The following MARS1 variants were observed in gnomAD, a reference collection of about 807,000 sequenced individuals.
MARS1 encodes the protein methionine--tRNA ligase, cytoplasmic.
A neutral mutation model predicts 119.5 loss-of-function variants in MARS1; 80 were observed. The observed-to-expected ratio is 0.67, with a 90% CI of 0.56 to 0.81. The LOEUF (loss-of-function observed/expected upper bound fraction) is 0.81, where lower values mean the gene tolerates loss of function less well. Ranked by LOEUF, MARS1 falls within the 30% of genes least tolerant of loss-of-function variation. MARS1 has a pLI of 0.00. For missense variants in MARS1, 945 were observed against 1,116.5 expected (o/e 0.85, Z 2.19); for synonymous variants, 418 against 433.4 (o/e 0.96, Z 0.44).
chr12:57,494,494 A>ATTT (rs59160934), intron 7 of MARS1, among the ~76,000 whole-genome samples: 9 of 95,460 alleles, frequency 9.4e-5, no homozygotes, highest in Admixed American at 2.2e-4. Flanking sequence ...CGCCTGGCTA[A>ATTT]TTTTTTTTTT....
intron 11 of MARS1, among the ~76,000 whole-genome samples, chr12:57,507,735 G>T (rs1377054593): frequency 1.4e-4 from 20 of 141,138 alleles, no homozygotes; most frequent in Non-Finnish European, 3.0e-4. Context: ...CCCGGACGGG[G>T]CGGCTGGCCG....
At position 57,498,144 on chromosome 12, in the gene MARS1, C is replaced by G. The variant is rs764820016; in HGVS notation, c.771-13C>G. On this transcript the variant is annotated splice_polypyrimidine_tract_variant and intron_variant, in intron 7 of 20. Transcript: ENST00000262027. ...TCCCCCCATGCACTGTTCTCTTCCT[C>G]TTTCCTTACTAGGTTGCCTGTGGCT... The G allele has an allele frequency of 6.3e-7, 1 of 1,588,058 alleles. No individual in the cohort carries two copies. The highest frequency in any genetic ancestry group is 8.6e-7 in the Non-Finnish European group (1 of 1,156,170).
intron 7 of MARS1, among the ~76,000 whole-genome samples, chr12:57,493,544 T>A (rs866428063): frequency 2.6e-3 from 1 of 392 alleles, no homozygotes; most frequent in African/African-American, 4.2e-3. Flanking sequence ...TATAATATAT[T>A]ATAATATATA....
In MARS1 at chr12:57,512,514, C is replaced by T. The variant is rs951461937; in HGVS notation, c.1753+161C>T. Reference sequence around the variant, plus strand: ...TCAACCTAGAGAAACGAACAAGAACCTGAAGAAAGCAAAAGTCTAAAGCTA... The same window carrying T: ...TCAACCTAGAGAAACGAACAAGAACTTGAAGAAAGCAAAAGTCTAAAGCTA... On this transcript the variant is annotated intron_variant, in intron 14 of 20. Coordinates refer to ENST00000262027, the MANE Select transcript of MARS1 (RefSeq NM_004990.4). The T allele has an allele frequency of 4.8e-5, 32 of 663,116 alleles. No homozygotes were observed. In the African/African-American group the frequency reaches 5.6e-4, roughly 12 times the overall value. The allele number at this position is 663,116 out of a possible 1,614,324, so 41.1% of individuals were successfully genotyped here.
In MARS1 at chr12:57,490,245, A is replaced by T; in HGVS notation, c.529A>T (p.Ser177Cys). ...CCTGCACAGCTGGTTCCAGACACTG[A>T]GTACCCAGGAACCATGTCAGCGAGC... The part of the protein sequence containing the change: ...SALHSWFQTL[S>C]TQEPCQRAAE... Residue 177 changes from serine to cysteine, a missense_variant, in exon 6 of 21, where the codon AGT becomes TGT. Physicochemically the swap from Ser to Cys is moderately radical, Grantham distance 112 (BLOSUM62 -1). Transcript: ENST00000262027. 1 of 1,613,876 alleles carries T rather than the reference A, an allele frequency of 6.2e-7. No individual in the cohort carries two copies. The highest frequency in any genetic ancestry group is 1.1e-5 in the South Asian group (1 of 91,072).
chr12:57,498,614 A>G lies in MARS1; in HGVS notation c.1082A>G (p.Gln361Arg), dbSNP rs768625534. The G allele has an allele frequency of 6.2e-7, 1 of 1,614,126 alleles. No homozygotes were observed. Among genetic ancestry groups the G allele is most frequent in the Middle Eastern group, 1.6e-4 (1 of 6,062 alleles). The change falls in exon 9 of 21, where the codon CAG (glutamine) becomes CGG (arginine). Residue 361 changes from glutamine (Q) to arginine (R), a missense_variant. Physicochemically the swap from Gln to Arg is conservative, Grantham distance 43 (BLOSUM62 1). Coordinates refer to ENST00000262027, the MANE Select transcript of MARS1 (RefSeq NM_004990.4). The stretch of plus-strand genomic sequence containing the variant: ...ATTTTTGGTCGCACCACCACTCCAC[A>G]GCAGACCAAGTAAGTTTCCTCTAAT... ...FDIFGRTTTP[Q>R]QTKITQDIFQ...
Position 57,516,604 on chromosome 12 carries a change from C to T in MARS1, c.*23C>T, listed in dbSNP as rs368095938. On this transcript the variant is annotated 3_prime_UTR_variant, in exon 21 of 21. Transcript: ENST00000262027. ...TAAAAGACCTTGGCTCATAGAAAGTCACTTTAATAGATAGGGACAGTAATA... is the reference window on the plus strand; with the variant it reads ...TAAAAGACCTTGGCTCATAGAAAGTTACTTTAATAGATAGGGACAGTAATA... 3 of 1,555,622 alleles carry T rather than the reference C, an allele frequency of 1.9e-6. No homozygotes were observed. Among genetic ancestry groups the T allele is most frequent in the Non-Finnish European group, 2.6e-6 (3 of 1,158,046 alleles).
At chr12:57,492,784 G>C (rs1876054003) in intron 7 of MARS1, among the ~76,000 whole-genome samples, 1 of 152,100 alleles carries the variant, frequency 6.6e-6, no homozygotes, top group Non-Finnish European at 1.5e-5. Flanking sequence ...AGTGGAGAGA[G>C]GGTGTTTCAG....
At chr12:57,489,833 T>G (rs1875790552) in intron 4 of MARS1, 63 bp from the exon 5 acceptor site, 1 of 1,438,780 alleles carries the variant, frequency 7.0e-7, no homozygotes, top group Admixed American at 1.7e-5. Context: ...TGTTAGATAT[T>G]ACCATTGGGA....
Position 57,498,627 on chromosome 12 carries a change from A to G in MARS1, c.1091+4A>G, listed in dbSNP as rs987991720. 4 of 1,613,566 alleles carry G rather than the reference A, an allele frequency of 2.5e-6. No homozygotes were observed. In the African/African-American group the frequency reaches 5.3e-5, roughly 22 times the overall value. On this transcript the variant is annotated splice_donor_region_variant and intron_variant, in intron 9 of 20. Transcript: ENST00000262027. ...CCACCACTCCACAGCAGACCAAGTAAGTTTCCTCTAATGAGGCAGAAATGG... is the reference window on the plus strand; with the variant it reads ...CCACCACTCCACAGCAGACCAAGTAGGTTTCCTCTAATGAGGCAGAAATGG...
chr12:57,516,172 C>T (rs1047314600), intron 19 of MARS1, 73 bp from the exon 20 acceptor site: 6 of 1,456,670 alleles, frequency 4.1e-6, no homozygotes, highest in Admixed American at 1.7e-5. Flanking sequence ...ACCACTTTCC[C>T]TCTGAGATGC....
chr12:57,513,212 C>T (rs1260786764), intron 15 of MARS1, among the ~76,000 whole-genome samples: 1 of 152,084 alleles, frequency 6.6e-6, no homozygotes, highest in African/African-American at 2.4e-5. Context: ...AAATTGTTTC[C>T]TTATTACTGT....
intron 11 of MARS1, among the ~76,000 whole-genome samples, chr12:57,507,672 TCCC>T (rs1877268648): frequency 2.8e-5 from 2 of 70,980 alleles, no homozygotes; most frequent in East Asian, 1.0e-3. Flanking sequence ...GCCCCCCACC[TCCC>T]TCCCGGACGG....
At position 57,512,241 on chromosome 12, in the gene MARS1, C is replaced by T; in HGVS notation, c.1641C>T (p.Asp547=). The part of the protein sequence containing the change: ...ERWWKNPEQV[D]LYQFMAKDNV... Reference sequence around the variant, plus strand: ...TCCTAACCACATTCCCCTAGGTGGACCTGTATCAGTTCATGGCCAAAGACA... The same window carrying T: ...TCCTAACCACATTCCCCTAGGTGGATCTGTATCAGTTCATGGCCAAAGACA... The change falls in exon 14 of 21, where the codon GAC becomes GAT. Residue 547 remains aspartate (D), a synonymous_variant. Transcript: ENST00000262027. 1 of 1,613,506 alleles carries T rather than the reference C, an allele frequency of 6.2e-7. No homozygotes were observed. The highest frequency in any genetic ancestry group is 1.1e-5 in the South Asian group (1 of 91,078).
At position 57,488,158 on chromosome 12, in the gene MARS1, G is replaced by C; in HGVS notation, c.68G>C (p.Arg23Pro). ...LPVLAAAGRA[R>P]GRAEVLISTV... ...GTGCTGGCCGCCGCCGGGAGAGCCCGGGGCAGAGCAGAGGTGCTCATCAGC... is the reference window on the plus strand; with the variant it reads ...GTGCTGGCCGCCGCCGGGAGAGCCCCGGGCAGAGCAGAGGTGCTCATCAGC... The change falls in exon 1 of 21, where the codon CGG becomes CCG. Residue 23 changes from arginine to proline, a missense_variant. By Grantham distance (103) the Arg-to-Pro change is moderately radical. Coordinates refer to ENST00000262027, the MANE Select transcript of MARS1 (RefSeq NM_004990.4). 1 of 1,614,162 alleles carries C rather than the reference G, an allele frequency of 6.2e-7. No individual in the cohort carries two copies. Among genetic ancestry groups the C allele is most frequent in the Non-Finnish European group, 8.5e-7 (1 of 1,180,032 alleles).
chr12:57,508,678 G>GAGAGGTAGAGGTAGAGGGAGAGGT (rs1555167924), intron 11 of MARS1, among the ~76,000 whole-genome samples: 1 of 145,346 alleles, frequency 6.9e-6, no homozygotes, highest in Admixed American at 6.9e-5. Context: ...AGACCGTGGG[G>GAGAGGTAGAGGTAGAGGGAGAGGT]AGAGGTAGAG....
At chr12:57,506,709 C>T (rs1046643033) in intron 11 of MARS1, among the ~76,000 whole-genome samples, 1 of 152,158 alleles carries the variant, frequency 6.6e-6, no homozygotes, top group Non-Finnish European at 1.5e-5. Flanking sequence ...TGGAGTCCCG[C>T]TCTGTTGCCC....
At chr12:57,493,377 TTATATAATATATTA>T (rs1565639594) in intron 7 of MARS1, among the ~76,000 whole-genome samples, 8 of 23,766 alleles carry the variant, frequency 3.4e-4, no homozygotes, top group Admixed American at 2.1e-3. Context: ...ATAATATATA[TTATATAATATATTA>T]TATATAATAT....
At chr12:57,508,056 G>C (rs967072915) in intron 11 of MARS1, among the ~76,000 whole-genome samples, 1 of 151,710 alleles carries the variant, frequency 6.6e-6, no homozygotes, top group Non-Finnish European at 1.5e-5. Context: ...CCACATCTCA[G>C]ACGATGGGCA....
Sources: allele counts gnomAD v4.1 joint callset (sites outside exome capture counted in the v4.1 genomes callset), GRCh38; gene constraint gnomAD v4.1.1; transcripts MANE v1.5; gene names NCBI Gene and HGNC (gene_info 2026-07-23, HGNC 2026-07-21).